ITGAL: variants seen among roughly 807,000 people sequenced by gnomAD.
ITGAL encodes the protein integrin subunit alpha L, also known as integrin alpha-L.
A neutral mutation model predicts 138.4 loss-of-function variants in ITGAL; 68 were observed. The observed-to-expected ratio is 0.49, with a 90% confidence interval of 0.40 to 0.60. ITGAL has a LOEUF of 0.60. Ranked by LOEUF, ITGAL falls within the 20% of genes least tolerant of loss-of-function variation. The pLI is 0.00. For missense variants in ITGAL, 1,256 were observed against 1,478.6 expected, an observed-to-expected ratio of 0.85 and a Z score of 2.47; for synonymous variants, 561 against 584.3, an observed-to-expected ratio of 0.96 and a Z score of 0.57.
Position 30,479,436 on chromosome 16 carries a change from A to G in ITGAL, c.551A>G (p.Lys184Arg). Residue 184 changes from lysine (K) to arginine (R), a missense_variant, in exon 6 of 31, where the codon AAG becomes AGG. Physicochemically the swap from Lys to Arg is conservative, Grantham distance 26 (BLOSUM62 2). Transcript: ENST00000356798. ...CTGGACTTCATGAAGGATGTGATGA[A>G]GAAACTCAGCAACACTTCGTACCAG... ...KILDFMKDVMKKLSNTSYQFA... is the reference protein window; with the variant it reads ...KILDFMKDVMRKLSNTSYQFA... The G allele has an allele frequency of 6.2e-7, 1 of 1,614,142 alleles. No individual in the cohort carries two copies. The highest frequency in any genetic ancestry group is 2.2e-5 in the East Asian group (1 of 44,892).
rs202158937 is a variant in ITGAL at position 30,499,402 on chromosome 16, G to T, written c.2058G>T (p.Gly686=). Residue 686 remains glycine (G), a synonymous_variant, in exon 17 of 31, where the codon GGG becomes GGT. Transcript: ENST00000356798. ...ATGGCCACCGGACCAGAAGACGGGG[G>T]TTGTTCCCAGGAGGGAGACATGAAC... ...QLDGHRTRRR[G]LFPGGRHELR... The T allele has an allele frequency of 2.5e-6, 4 of 1,614,104 alleles. No individual in the cohort carries two copies. The East Asian group carries it at 8.9e-5, about 36-fold the overall frequency.
In ITGAL at chr16:30,478,892, A is replaced by G. The variant is rs545136176; in HGVS notation, c.328-199A>G. ...CCAGTCCTACAGGCGGTGAGCATCC[A>G]TTGGCATAGAGCATTGGTAGGATGG... On this transcript the variant is annotated intron_variant, in intron 4 of 30. Transcript: ENST00000356798. 3.3e-5 allele frequency among the ~76,000 whole-genome samples: 5 copies of G among 152,122 alleles called. No individual in the cohort carries two copies. The South Asian group carries it at 1.0e-3, about 32-fold the overall frequency.
At position 30,519,946 on chromosome 16, in the gene ITGAL, C is replaced by G; in HGVS notation, c.3318C>G (p.Leu1106=). ...SGIGGLLLLL[L]IFIVLYKVGF... is the part of the protein sequence containing the mutation. The stretch of plus-strand genomic sequence containing the variant: ...TCGGGGGGCTGCTGCTGCTGCTGCT[C>G]ATTTTCATAGTGCTGTACAAGGTGG... The change falls in exon 30 of 31, where the codon CTC becomes CTG. Residue 1106 remains leucine, a synonymous_variant. Transcript: ENST00000356798. The G allele has an allele frequency of 6.2e-7, 1 of 1,612,798 alleles. No individual in the cohort carries two copies. The highest frequency in any genetic ancestry group is 1.3e-5 in the African/African-American group (1 of 75,038).
At chr16:30,520,036 C>A in intron 30 of ITGAL, 69 bp downstream of exon 30, 2 of 1,194,838 alleles carry the variant, frequency 1.7e-6, no homozygotes, top group Admixed American at 1.7e-5. Context: ...TGGTGGGAGC[C>A]AGGGAGGAGA....
At chr16:30,498,978 G>T in intron 15 of ITGAL, 96 bp from the exon 16 acceptor site, 1 of 1,111,752 alleles carries the variant, frequency 9.0e-7, no homozygotes, top group East Asian at 2.5e-5. Flanking sequence ...CTTTAGGGAA[G>T]GAGAGTTCTC....
rs577152539 is a variant in ITGAL at position 30,520,268 on chromosome 16, T to C, written c.3339+301T>C. The stretch of plus-strand genomic sequence containing the variant: ...GGGCAACATGGAAAGCATCCGCCTC[T>C]ACAAAAAATTTTAAAAATTAGGGGG... On this transcript the variant is annotated intron_variant, in intron 30 of 30. Coordinates refer to ENST00000356798, the MANE Select transcript of ITGAL (RefSeq NM_002209.3). Among the ~76,000 whole-genome samples the C allele has an allele frequency of 2.0e-5, 3 of 152,216 alleles. 1 individual carries two copies. The South Asian group carries it at 6.2e-4, about 32-fold the overall frequency.
intron 26 of ITGAL, 36 bp from the exon 27 acceptor site, chr16:30,517,613 G>A (rs765962305): frequency 1.3e-5 from 21 of 1,590,398 alleles, no homozygotes; most frequent in Non-Finnish European, 1.6e-5. Context: ...TCTGGGTTGG[G>A]GAGGCTCTAA....
At chr16:30,492,707 C>T (rs1265404633) in intron 11 of ITGAL, among the ~76,000 whole-genome samples, 2 of 151,752 alleles carry the variant, frequency 1.3e-5, no homozygotes, top group Non-Finnish European at 2.9e-5. Context: ...CAGGTGCCCG[C>T]CACCATGCCC....
Position 30,522,754 on chromosome 16 carries a change from G to A in ITGAL, c.*1089G>A, listed in dbSNP as rs1402039421. On this transcript the variant is annotated 3_prime_UTR_variant, in exon 31 of 31. Transcript: ENST00000356798. This position sits in a 1 kb window ranked among gnomAD's most constrained non-coding sequence, Gnocchi z 4.0. ...GAGGGTGGATCACCTGAGGTCAGGA[G>A]TTAGAGGCCAGCCTGGCGAAACCCC... 1.3e-5 allele frequency: 2 copies of A among 152,276 alleles called. No individual in the cohort carries two copies. The highest frequency in any genetic ancestry group is 4.8e-5 in the African/African-American group (2 of 41,462). 9.4% of individuals were successfully genotyped at this position (152,276 alleles called of 1,614,324 possible).
At chr16:30,480,321 A>T (rs1208071588) in intron 6 of ITGAL, among the ~76,000 whole-genome samples, 1 of 152,286 alleles carries the variant, frequency 6.6e-6, no homozygotes, top group South Asian at 2.1e-4. Flanking sequence ...GCGCCTTTAG[A>T]CCACATAGAC....
chr16:30,496,032 A>G, intron 13 of ITGAL, 65 bp from the exon 14 acceptor site: 3 of 1,300,216 alleles, frequency 2.3e-6, no homozygotes, highest in Non-Finnish European at 3.3e-6. Flanking sequence ...AGCATTCTTC[A>G]CTCAGTTGTT....
chr16:30,508,566 G>A (rs768037761), intron 21 of ITGAL, among the ~76,000 whole-genome samples: 2 of 152,162 alleles, frequency 1.3e-5, no homozygotes, highest in African/African-American at 2.4e-5. Flanking sequence ...GTGGTGGTGC[G>A]CACCTGCAAT....
In ITGAL at chr16:30,517,803, C is replaced by T. The variant is rs1374908106; in HGVS notation, c.3040C>T (p.Leu1014Phe). 6.2e-7 allele frequency: 1 copy of T among 1,614,162 alleles called. No individual in the cohort carries two copies. Among genetic ancestry groups the T allele is most frequent in the East Asian group, 2.2e-5 (1 of 44,880 alleles). ...CTTTCCTCATCCTTGTCAGCCTTGTCTCCCCGGAGCCCTGTTCCGCTGCCC... is the reference window on the plus strand; with the variant it reads ...CTTTCCTCATCCTTGTCAGCCTTGTTTCCCCGGAGCCCTGTTCCGCTGCCC... ...ERLPDAAEPC[L>F]PGALFRCPVV... Residue 1014 changes from leucine to phenylalanine, a missense_variant, in exon 28 of 31, where the codon CTC becomes TTC. Physicochemically the swap from Leu to Phe is conservative, Grantham distance 22. Transcript: ENST00000356798.
intron 25 of ITGAL, 94 bp downstream of exon 25, chr16:30,513,940 A>C: frequency 1.1e-6 from 1 of 892,430 alleles, no homozygotes; most frequent in Admixed American, 1.9e-5. Flanking sequence ...CACAGTACTC[A>C]TCCTAGCCAT....
Position 30,481,594 on chromosome 16 carries a change from C to G in ITGAL, c.722+10C>G. The stretch of plus-strand genomic sequence containing the variant: ...CCATCAATTATGTCGCGTGAGTTCC[C>G]TTTTGCAGGAGAGCACGTGTCCTGT... On this transcript the variant is annotated intron_variant, in intron 7 of 30. Transcript: ENST00000356798. 1 of 1,613,266 alleles carries G rather than the reference C, an allele frequency of 6.2e-7. No individual in the cohort carries two copies. Among genetic ancestry groups the G allele is most frequent in the South Asian group, 1.1e-5 (1 of 90,898 alleles).
chr16:30,517,054 G>A lies in ITGAL; in HGVS notation c.2944G>A (p.Gly982Arg). The A allele has an allele frequency of 1.2e-6, 2 of 1,613,036 alleles. No individual in the cohort carries two copies. Among genetic ancestry groups the A allele is most frequent in the Non-Finnish European group, 1.7e-6 (2 of 1,179,346 alleles). The change falls in exon 26 of 31, where the codon GGG becomes AGG. Residue 982 changes from glycine (G) to arginine (R), a missense_variant. By Grantham distance (125) the Gly-to-Arg change is moderately radical (BLOSUM62 -2). Around this residue, in one of 3 missense-constraint regions of ITGAL, gnomAD observed 867 missense variants for 972.5 expected, o/e 0.89. Transcript: ENST00000356798. ...VVGVPQPPSE[G>R]PITHQWSVQM... ...TGGGGTGCCACAGCCTCCCAGCGAG[G>A]GGCCCATCACACACCAGTGGAGCGT...
At position 30,513,771 on chromosome 16, in the gene ITGAL, C is replaced by A. The variant is rs2051125370; in HGVS notation, c.2787C>A (p.Asp929Glu). ...ILYPINILIQDQEDSTLYVSF... is the reference protein window; with the variant it reads ...ILYPINILIQEQEDSTLYVSF... Reference sequence around the variant, plus strand: ...CATCGCTGCCCTTCTCTCTCCGCAGCCAAGAAGACTCCACACTCTATGTCA... The same window carrying A: ...CATCGCTGCCCTTCTCTCTCCGCAGACAAGAAGACTCCACACTCTATGTCA... Residue 929 changes from aspartate (D) to glutamate (E), a missense_variant and splice_region_variant, in exon 25 of 31, where the codon GAC (aspartate) becomes GAA (glutamate). Around this residue, in one of 3 missense-constraint regions of ITGAL, gnomAD observed 867 missense variants for 972.5 expected, o/e 0.89. Transcript: ENST00000356798. The A allele has an allele frequency of 6.2e-7, 1 of 1,613,092 alleles. No individual in the cohort carries two copies. Among genetic ancestry groups the A allele is most frequent in the East Asian group, 2.2e-5 (1 of 44,884 alleles).
At chr16:30,506,428 G>C (rs1261437375) in intron 20 of ITGAL, among the ~76,000 whole-genome samples, 1 of 150,682 alleles carries the variant, frequency 6.6e-6, no homozygotes, top group African/African-American at 2.4e-5. Flanking sequence ...GCATGGTGGT[G>C]GGCGCCCGTA....
chr16:30,517,754 C>T (rs554673044), intron 27 of ITGAL, 43 bp from the exon 28 acceptor site: 15 of 1,611,874 alleles, frequency 9.3e-6, no homozygotes, highest in East Asian at 2.2e-5. Context: ...GTACACGGGT[C>T]GGAATGAAGC....
Sources: gnomAD v4.1 joint callset for allele counts (sites outside exome capture counted in the v4.1 genomes callset) on GRCh38, gnomAD v4.1.1 for gene constraint, gnomAD v4.1.1 regional missense constraint, Gnocchi (gnomAD v3.1) non-coding constraint, MANE v1.5 for transcripts, NCBI Gene and HGNC (gene_info 2026-07-23, HGNC 2026-07-21) for gene names.